Variants in GRIN2B observed in about 807,000 individuals in gnomAD.
The protein encoded by GRIN2B is glutamate ionotropic receptor NMDA type subunit 2B, also known as glutamate receptor ionotropic, NMDA 2B.
A neutral mutation model predicts 114.5 loss-of-function variants in GRIN2B; 5 were observed. The observed-to-expected ratio is 0.04, with a 90% CI of 0.02 to 0.09. GRIN2B has a LOEUF of 0.09. Ranked by LOEUF, GRIN2B falls within the 10% of genes least tolerant of loss-of-function variation. The pLI is 1.00. For missense variants in GRIN2B, 1,108 were observed against 1,943.5 expected (o/e 0.57, Z 8.08); for synonymous variants, 787 against 745.1 (o/e 1.06, Z -0.92).
At chr12:13,726,892 C>T (rs142814866) in intron 4 of GRIN2B, among the ~76,000 whole-genome samples, 182 of 152,130 alleles carry the variant, frequency 1.2e-3, no homozygotes, top group African/African-American at 4.1e-3. Context: ...GCTTAGCTCC[C>T]ACTTATAAAT....
chr12:13,867,059 C>A (rs1865839711), intron 2 of GRIN2B, among the ~76,000 whole-genome samples: 1 of 149,178 alleles, frequency 6.7e-6, no homozygotes, highest in South Asian at 2.2e-4. Flanking sequence ...CTCATATAAC[C>A]AATTATTATA....
chr12:13,843,225 C>T (rs1865414885), intron 3 of GRIN2B, among the ~76,000 whole-genome samples: 1 of 150,952 alleles, frequency 6.6e-6, no homozygotes, highest in Admixed American at 6.6e-5. Context: ...AATCCCCATA[C>T]ACATCACACA....
chr12:13,687,891 A>T (rs1304212456), intron 4 of GRIN2B, among the ~76,000 whole-genome samples: 1 of 152,204 alleles, frequency 6.6e-6, no homozygotes, highest in East Asian at 1.9e-4. Context: ...AAGGTAAATG[A>T]ATCTCATAGC....
chr12:13,934,017 G>A (rs1349685219), intron 2 of GRIN2B, among the ~76,000 whole-genome samples: 2 of 152,142 alleles, frequency 1.3e-5, no homozygotes, highest in Non-Finnish European at 2.9e-5. Flanking sequence ...CCTACCACTT[G>A]AGGAGACTAT....
chr12:13,940,949 C>T (rs1867237023), intron 2 of GRIN2B, among the ~76,000 whole-genome samples: 1 of 152,078 alleles, frequency 6.6e-6, no homozygotes, highest in South Asian at 2.1e-4. Context: ...TTTGGGGCTC[C>T]AATTCACATT....
At chr12:13,961,317 A>C (rs2136861741) in intron 2 of GRIN2B, among the ~76,000 whole-genome samples, 1 of 152,178 alleles carries the variant, frequency 6.6e-6, no homozygotes, top group Admixed American at 6.5e-5. Flanking sequence ...GAGGAAGCAA[A>C]GCCTGAAGTC....
At chr12:13,867,968 TAAAG>T (rs2136749870) in intron 2 of GRIN2B, among the ~76,000 whole-genome samples, 1 of 151,712 alleles carries the variant, frequency 6.6e-6, no homozygotes, top group East Asian at 1.9e-4. Flanking sequence ...CAGTATTGAA[TAAAG>T]AAAGATAAGG....
chr12:13,959,516 G>A (rs1591641652), intron 2 of GRIN2B, among the ~76,000 whole-genome samples: 1 of 152,194 alleles, frequency 6.6e-6, no homozygotes, highest in African/African-American at 2.4e-5. Flanking sequence ...TCCAGGCGGG[G>A]GATGCCAGCT....
intron 3 of GRIN2B, among the ~76,000 whole-genome samples, chr12:13,784,219 G>A (rs538204609): frequency 1.8e-4 from 13 of 74,088 alleles, no homozygotes; most frequent in Non-Finnish European, 2.5e-4. Context: ...GTGAGACTTC[G>A]CCTCAAAAAA....
chr12:13,861,059 G>A (rs1228051291), intron 3 of GRIN2B, among the ~76,000 whole-genome samples: 1 of 152,132 alleles, frequency 6.6e-6, no homozygotes, highest in Non-Finnish European at 1.5e-5. Flanking sequence ...TCTTCAAAAT[G>A]TAAGGTGTAT....
chr12:13,644,035 T>C (rs111375174), intron 5 of GRIN2B, among the ~76,000 whole-genome samples: 10,462 of 152,210 alleles, frequency 0.069, 584 homozygotes, highest in African/African-American at 0.16. Context: ...TTGACCTCCT[T>C]CCATGAATCA....
intron 8 of GRIN2B, among the ~76,000 whole-genome samples, chr12:13,614,226 G>T (rs919794611): frequency 1.3e-5 from 2 of 152,076 alleles, no homozygotes; most frequent in Admixed American, 6.6e-5. Flanking sequence ...TGCATTAATT[G>T]AATTAATTCC....
At chr12:13,582,670 C>T (rs1391363443) in intron 10 of GRIN2B, among the ~76,000 whole-genome samples, 1 of 151,796 alleles carries the variant, frequency 6.6e-6, no homozygotes, top group African/African-American at 2.4e-5. Context: ...GGATGCTGTG[C>T]TGCTGGGGAA....
intron 10 of GRIN2B, among the ~76,000 whole-genome samples, chr12:13,588,718 A>T (rs1164251087): frequency 3.9e-5 from 6 of 152,172 alleles, no homozygotes; most frequent in African/African-American, 1.4e-4. Context: ...TTTTTAAAAT[A>T]AAGAGCCTGT....
intron 5 of GRIN2B, among the ~76,000 whole-genome samples, chr12:13,637,736 C>G (rs1001842544): frequency 2.0e-5 from 3 of 152,164 alleles, no homozygotes; most frequent in African/African-American, 7.2e-5. Context: ...ATTTAGGACA[C>G]TATACCCTTA....
At chr12:13,717,797 C>T (rs890929714) in intron 4 of GRIN2B, among the ~76,000 whole-genome samples, 26 of 151,906 alleles carry the variant, frequency 1.7e-4, no homozygotes, top group African/African-American at 4.8e-4. Context: ...TGATCCAAAA[C>T]GGAAAATGGA....
intron 5 of GRIN2B, among the ~76,000 whole-genome samples, chr12:13,667,964 A>G (rs563260606): frequency 6.6e-6 from 1 of 152,174 alleles, no homozygotes; most frequent in African/African-American, 2.4e-5. Context: ...TCATCTCTCT[A>G]CCACTCTTTC....
At chr12:13,926,379 C>T (rs1219691260) in intron 2 of GRIN2B, among the ~76,000 whole-genome samples, 1 of 152,128 alleles carries the variant, frequency 6.6e-6, no homozygotes, top group Non-Finnish European at 1.5e-5. Context: ...ATCCTTAAGC[C>T]CATCCACACC....
chr12:13,616,402 G>A (rs1448487202), intron 6 of GRIN2B, 53 bp downstream of exon 6: 3 of 1,278,444 alleles, frequency 2.3e-6, no homozygotes, highest in African/African-American at 2.9e-5. Flanking sequence ...GCTAACAGGT[G>A]CATCAAAGCT....
Sources: gnomAD v4.1 joint callset for allele counts (sites outside exome capture counted in the v4.1 genomes callset) on GRCh38, gnomAD v4.1.1 for gene constraint, MANE v1.5 for transcripts, NCBI Gene and HGNC (gene_info 2026-07-23, HGNC 2026-07-21) for gene names.